CR1L: variants seen among roughly 807,000 people sequenced by gnomAD.
CR1L encodes the protein complement C3b/C4b receptor 1 like.
CR1L carries 59 observed loss-of-function variants against 62.3 expected under a neutral mutation model. The observed-to-expected ratio is 0.95, with a 90% CI of 0.77 to 1.18. The LOEUF is 1.18. CR1L is among the 50% of genes most tolerant of loss of function. The probability of loss-of-function intolerance (pLI) is 0.00; values close to 1 mark genes in which losing one functional copy is unlikely to be tolerated. For synonymous variants in CR1L, 279 were observed against 248.7 expected, an observed-to-expected ratio of 1.12 and a Z score of -1.15; for missense variants, 700 against 702.8, an observed-to-expected ratio of 1.00 and a Z score of 0.04.
rs557646125 is a variant in CR1L, at chr1:207,661,491, T to A, written c.98-15898T>A. Among the ~76,000 whole-genome samples the A allele has an allele frequency of 2.4e-3, 367 of 152,308 alleles. 2 individuals are homozygous for A. Among genetic ancestry groups the A allele is most frequent in the African/African-American group, 8.5e-3 (353 of 41,562 alleles). ...CCCCTGCCTTTTTTTTGTTTTCCAT[T>A]TGCTTGGTAGATCTTCCTCCATCCC... On this transcript the variant is annotated intron_variant, in intron 1 of 11. Transcript: ENST00000508064.
chr1:207,704,438 T>G (rs1571530744), intron 9 of CR1L, among the ~76,000 whole-genome samples: 1 of 152,358 alleles, frequency 6.6e-6, no homozygotes, highest in Non-Finnish European at 1.5e-5. Flanking sequence ...ACTAAGTTGA[T>G]AAAGCAGCAG....
At chr1:207,653,813 C>T (rs369913589) in intron 1 of CR1L, among the ~76,000 whole-genome samples, 4 of 152,096 alleles carry the variant, frequency 2.6e-5, no homozygotes, top group Non-Finnish European at 5.9e-5. Context: ...TAACACAATA[C>T]GTGAGACTAG....
intron 1 of CR1L, among the ~76,000 whole-genome samples, chr1:207,651,105 AC>A (rs1663216740): frequency 6.6e-6 from 1 of 152,060 alleles, no homozygotes; most frequent in South Asian, 2.1e-4. Flanking sequence ...AATTCACTTT[AC>A]TAAAACTCAC....
chr1:207,697,026 A>C (rs1425186793), intron 5 of CR1L, among the ~76,000 whole-genome samples: 1 of 152,108 alleles, frequency 6.6e-6, no homozygotes, highest in Non-Finnish European at 1.5e-5. Flanking sequence ...AAGAGAATAG[A>C]TGTATGTTTG....
chr1:207,661,949 T>C (rs11118285), intron 1 of CR1L, among the ~76,000 whole-genome samples: 61,750 of 151,900 alleles, frequency 0.41, 12,819 homozygotes, highest in African/African-American at 0.48. Flanking sequence ...AAAATTCTTT[T>C]CTTTAAGAAT....
intron 4 of CR1L, among the ~76,000 whole-genome samples, chr1:207,687,294 TG>T (rs1187467147): frequency 6.6e-6 from 1 of 152,228 alleles, no homozygotes; most frequent in Non-Finnish European, 1.5e-5. Flanking sequence ...CCATATAGCC[TG>T]GAGTTTACTT....
intron 3 of CR1L, 52 bp downstream of exon 3, chr1:207,678,349 A>G (rs370903555): frequency 1.5e-5 from 22 of 1,464,564 alleles, no homozygotes; most frequent in Non-Finnish European, 2.0e-5. Context: ...GTTCTAACAC[A>G]GCCATACTAC....
chr1:207,647,930 T>A (rs1663156869), intron 1 of CR1L, among the ~76,000 whole-genome samples: 1 of 152,116 alleles, frequency 6.6e-6, no homozygotes, highest in Non-Finnish European at 1.5e-5. Context: ...AAGATTAATG[T>A]TTAGAATAGG....
At position 207,648,224 on chromosome 1, in the gene CR1L, GAA is replaced by G. The variant is rs765424533; in HGVS notation, c.97+2907_97+2908del. Among the ~76,000 whole-genome samples, 435 of 100,816 alleles carry G rather than the reference GAA, an allele frequency of 4.3e-3. 5 individuals carry two copies. The highest frequency in any genetic ancestry group is 0.016 in the African/African-American group (393 of 24,088). 66.1% of individuals were successfully genotyped at this position (100,816 alleles called of 152,430 possible). A position where few individuals can be genotyped will look rare whatever the true frequency, so the allele number is the denominator to read the frequency against. On this transcript the variant is annotated intron_variant, in intron 1 of 11. Coordinates refer to ENST00000508064, the MANE Select transcript of CR1L (RefSeq NM_175710.2). ...ACACACAGACACACACACACACACAGAAAAAAAAAAAAAACCTGGAAGTTGAA... is the reference window on the plus strand; with the variant it reads ...ACACACAGACACACACACACACACAGAAAAAAAAAAAACCTGGAAGTTGAA...
intron 1 of CR1L, among the ~76,000 whole-genome samples, chr1:207,653,333 A>G (rs988225222): frequency 1.3e-5 from 2 of 152,224 alleles, no homozygotes; most frequent in Non-Finnish European, 2.9e-5. Context: ...TGGATGTTTT[A>G]TGGAGACAGC....
At chr1:207,650,760 G>A (rs1225419957) in intron 1 of CR1L, among the ~76,000 whole-genome samples, 5 of 151,458 alleles carry the variant, frequency 3.3e-5, no homozygotes, top group Middle Eastern at 3.4e-3. Flanking sequence ...ATGTACAGAA[G>A]TTGAACAGTT....
chr1:207,686,466 G>A (rs903467658), intron 4 of CR1L, among the ~76,000 whole-genome samples: 3 of 151,892 alleles, frequency 2.0e-5, no homozygotes, highest in African/African-American at 7.3e-5. Context: ...TTAGTTATAT[G>A]TATCGATGTA....
At position 207,694,829 on chromosome 1, in the gene CR1L, G is replaced by C. The variant is rs1397823035; in HGVS notation, c.862+78G>C. 1.2e-5 allele frequency: 19 copies of C among 1,605,006 alleles called. 1 individual carries two copies. In the South Asian group the frequency reaches 1.8e-4, roughly 15 times the overall value. On this transcript the variant is annotated intron_variant, in intron 5 of 11. Coordinates refer to ENST00000508064, the MANE Select transcript of CR1L (RefSeq NM_175710.2). ...GGATCAGGAGATTAGTATTTGTTCA[G>C]GGGGAGGGATTTGTGCTGAGCAGGG...
At chr1:207,694,831 G>A (rs1393551414) in intron 5 of CR1L, 80 bp downstream of exon 5, 9 of 1,604,564 alleles carry the variant, frequency 5.6e-6, no homozygotes, top group South Asian at 2.2e-5. Context: ...TTTGTTCAGG[G>A]GGAGGGATTT....
chr1:207,712,071 G>A (rs188567681), intron 10 of CR1L, among the ~76,000 whole-genome samples: 2 of 152,192 alleles, frequency 1.3e-5, no homozygotes, highest in African/African-American at 4.8e-5. Flanking sequence ...CTAAAAGATC[G>A]CTGTCTAGCA....
chr1:207,677,527 T>TA lies in CR1L; in HGVS notation c.242dup (p.Asn81LysfsTer8). On this transcript the variant is annotated frameshift_variant, in exon 2 of 12. Coordinates refer to ENST00000508064, the MANE Select transcript of CR1L (RefSeq NM_175710.2). LOFTEE classifies it high-confidence loss of function. Reference sequence around the variant, plus strand: ...GGAAGACCGTTTTCTATCATCTGCCTAAAAAACTCAGTCTGGACAAGTGCT... The same window carrying TA: ...GGAAGACCGTTTTCTATCATCTGCCTAAAAAAACTCAGTCTGGACAAGTGCT... 6.2e-7 allele frequency: 1 copy of TA among 1,613,874 alleles called. No homozygotes were observed. The highest frequency in any genetic ancestry group is 1.1e-5 in the South Asian group (1 of 91,060).
At chr1:207,648,802 G>A (rs1663177544) in intron 1 of CR1L, among the ~76,000 whole-genome samples, 2 of 152,180 alleles carry the variant, frequency 1.3e-5, no homozygotes, top group Admixed American at 1.3e-4. Context: ...TCCATATCTG[G>A]TCACCTGCCA....
intron 1 of CR1L, among the ~76,000 whole-genome samples, chr1:207,676,376 G>A (rs1403502230): frequency 2.6e-5 from 4 of 152,076 alleles, no homozygotes; most frequent in Non-Finnish European, 4.4e-5. Context: ...GGAGGTGAGC[G>A]GCCAAGCATT....
Position 207,694,739 on chromosome 1 carries a change from A to G in CR1L, c.850A>G (p.Ser284Gly). The change falls in exon 5 of 12, where the codon AGC (serine) becomes GGC (glycine). Residue 284 changes from serine to glycine, a missense_variant. Transcript: ENST00000508064. ...ALNKWEPELP[S>G]CSRVCQPPPD... Reference sequence around the variant, plus strand: ...GAACAAATGGGAGCCAGAGTTACCAAGCTGCTCCAGGGGTGAGTCTGACTG... The same window carrying G: ...GAACAAATGGGAGCCAGAGTTACCAGGCTGCTCCAGGGGTGAGTCTGACTG... 1 of 1,611,888 alleles carries G rather than the reference A, an allele frequency of 6.2e-7. No individual in the cohort carries two copies. Among genetic ancestry groups the G allele is most frequent in the Non-Finnish European group, 8.5e-7 (1 of 1,179,724 alleles).
Sources: gnomAD v4.1 joint callset for allele counts (sites outside exome capture counted in the v4.1 genomes callset) on GRCh38, gnomAD v4.1.1 for gene constraint, MANE v1.5 for transcripts, NCBI Gene and HGNC (gene_info 2026-07-23, HGNC 2026-07-21) for gene names.